CARD19: variants seen among roughly 807,000 people sequenced by gnomAD.
CARD19 encodes caspase recruitment domain-containing protein 19.
CARD19 carries 25 observed loss-of-function variants against 24.1 expected under a neutral mutation model. The ratio of observed to expected loss-of-function variants is 1.04; its 90% CI spans 0.76 to 1.45. The LOEUF (loss-of-function observed/expected upper bound fraction) is 1.45, where lower values mean the gene tolerates loss of function less well. Among genes scored for constraint, CARD19 ranks in the 40% most tolerant of loss-of-function variants. The pLI, the probability that CARD19 is intolerant of heterozygous loss-of-function variation, is 0.00. For synonymous variants in CARD19, 103 were observed against 104.9 expected, an observed-to-expected ratio of 0.98 and a Z score of 0.11; for missense variants, 241 against 247.4, an observed-to-expected ratio of 0.97 and a Z score of 0.17.
intron 1 of CARD19, among the ~76,000 whole-genome samples, chr9:93,099,219 C>T (rs779410583): frequency 3.3e-5 from 5 of 152,210 alleles, no homozygotes; most frequent in Admixed American, 1.3e-4. Context: ...CCACCGCGTC[C>T]GGCCTGCAGA....
intron 3 of CARD19, 44 bp from the exon 4 acceptor site, chr9:93,111,835 G>A (rs760374881): frequency 1.9e-5 from 31 of 1,598,188 alleles, no homozygotes; most frequent in South Asian, 1.2e-4. Flanking sequence ...CTTGCCCTCC[G>A]GCCCTGCCCG....
intron 1 of CARD19, among the ~76,000 whole-genome samples, chr9:93,107,374 A>G (rs1425807304): frequency 6.6e-6 from 1 of 152,242 alleles, no homozygotes; most frequent in African/African-American, 2.4e-5. Context: ...CAGGTGGCCC[A>G]TGAAAAGTAG....
intron 1 of CARD19, among the ~76,000 whole-genome samples, chr9:93,105,944 T>C (rs1827236728): frequency 6.6e-6 from 1 of 152,230 alleles, no homozygotes; most frequent in Non-Finnish European, 1.5e-5. Flanking sequence ...AGATATCTAT[T>C]TCTCCCTTCA....
chr9:93,112,165 AC>A, intron 4 of CARD19, 52 bp from the exon 5 acceptor site: 1 of 1,510,648 alleles, frequency 6.6e-7, no homozygotes, highest in Non-Finnish European at 8.9e-7. Context: ...AGGCCTCAGG[AC>A]CCCACCCCTC....
rs1351513881 is a variant in CARD19 at position 93,096,421 on chromosome 9, G to C, written c.7+69G>C. ...GATGGGTGGCCCGGCCCGGGGGTCC[G>C]GCTGCCTTGCGAGTCGCCTGCAGGC... On this transcript the variant is annotated intron_variant, in intron 1 of 5. Coordinates refer to ENST00000375464, the MANE Select transcript of CARD19 (RefSeq NM_032310.5). This position sits in a 1 kb window ranked among gnomAD's most constrained non-coding sequence, Gnocchi z 5.4. 3 of 1,213,402 alleles carry C rather than the reference G, an allele frequency of 2.5e-6. No homozygotes were observed. The African/African-American group carries it at 4.7e-5, about 19-fold the overall frequency. 75.2% of individuals were successfully genotyped at this position (1,213,402 alleles called of 1,614,324 possible). A position where few individuals can be genotyped will look rare whatever the true frequency, so the allele number is the denominator to read the frequency against.
chr9:93,096,789 C>T lies in CARD19; in HGVS notation c.7+437C>T, dbSNP rs961809699. On this transcript the variant is annotated intron_variant, in intron 1 of 5. Coordinates refer to ENST00000375464, the MANE Select transcript of CARD19 (RefSeq NM_032310.5). The surrounding 1 kb of genome is among the most constrained non-coding windows in gnomAD (Gnocchi z 5.4). ...CCTGCTGTGATTCTGGCCACGGAAA[C>T]AACGCTCCATCCTTACAACCACCCC... Among the ~76,000 whole-genome samples, 2 of 152,208 alleles carry T rather than the reference C, an allele frequency of 1.3e-5. No homozygotes were observed. Among genetic ancestry groups the T allele is most frequent in the African/African-American group, 4.8e-5 (2 of 41,448 alleles).
rs899226165 is a variant in CARD19 at position 93,112,265 on chromosome 9, C to T, written c.412C>T (p.Leu138=). 1.3e-6 allele frequency: 2 copies of T among 1,544,714 alleles called. No homozygotes were observed. Among genetic ancestry groups the T allele is most frequent in the African/African-American group, 1.4e-5 (1 of 73,024 alleles). ...AGLGLAVGLA[L]LLYCYPPDPK... The stretch of plus-strand genomic sequence containing the variant: ...CCTGGGCCTTGCTGTGGGACTGGCC[C>T]TGCTCCTGTACTGCTATCCGCCAGG... The change falls in exon 5 of 6, where the codon CTG becomes TTG. Residue 138 remains leucine, a synonymous_variant. Transcript: ENST00000375464.
At chr9:93,106,613 T>G (rs1827273046) in intron 1 of CARD19, among the ~76,000 whole-genome samples, 1 of 152,054 alleles carries the variant, frequency 6.6e-6, no homozygotes, top group Admixed American at 6.6e-5. Flanking sequence ...TATTTGCATT[T>G]GAAGTAATTG....
chr9:93,112,097 T>C, intron 4 of CARD19, 121 bp from the exon 5 acceptor site: 2 of 1,338,072 alleles, frequency 1.5e-6, no homozygotes, highest in East Asian at 2.5e-5. Flanking sequence ...AGGTGCTCGT[T>C]TGGGGGCTCT....
At chr9:93,111,975 C>T (rs1477810227) in intron 4 of CARD19, 37 bp downstream of exon 4, 2 of 1,588,124 alleles carry the variant, frequency 1.3e-6, no homozygotes, top group Non-Finnish European at 1.7e-6. Context: ...CTCTCTCCCT[C>T]TCTCTCCCTC....
At position 93,112,227 on chromosome 9, in the gene CARD19, G is replaced by A. The variant is rs1471972582; in HGVS notation, c.374G>A (p.Ser125Asn). Residue 125 changes from serine (S) to asparagine (N), a missense_variant, in exon 5 of 6, where the codon AGC becomes AAC. Physicochemically the swap from Ser to Asn is conservative, Grantham distance 46. Transcript: ENST00000375464. ...GCTGGTTTCTCCCCAGGACCCATGAGCTTCCTGGCTGGCCTGGGCCTTGCT... is the reference window on the plus strand; with the variant it reads ...GCTGGTTTCTCCCCAGGACCCATGAACTTCCTGGCTGGCCTGGGCCTTGCT... Reference protein sequence around the residue: ...SGELSNRGPMSFLAGLGLAVG... With the variant: ...SGELSNRGPMNFLAGLGLAVG... 6 of 1,545,112 alleles carry A rather than the reference G, an allele frequency of 3.9e-6. No homozygotes were observed. The African/African-American group carries it at 6.8e-5, about 18-fold the overall frequency.
Position 93,107,808 on chromosome 9 carries a change from G to A in CARD19, c.142G>A (p.Ala48Thr). The A allele has an allele frequency of 1.2e-6, 2 of 1,614,250 alleles. No individual in the cohort carries two copies. Among genetic ancestry groups the A allele is most frequent in the Non-Finnish European group, 1.7e-6 (2 of 1,180,052 alleles). The part of the protein sequence containing the change: ...YYPQILTNKE[A>T]EKFRNPKASL... ...CCCACAGATCCTTACCAACAAGGAGGCGGAAAAGGTGCTGAGGAGGTGAGG... is the reference window on the plus strand; with the variant it reads ...CCCACAGATCCTTACCAACAAGGAGACGGAAAAGGTGCTGAGGAGGTGAGG... Residue 48 changes from alanine to threonine, a missense_variant, in exon 2 of 6, where the codon GCG becomes ACG. Ala to Thr is a moderately conservative substitution (Grantham distance 58). Transcript: ENST00000375464.
At chr9:93,110,786 G>T in intron 3 of CARD19, 65 bp downstream of exon 3, 1 of 1,554,608 alleles carries the variant, frequency 6.4e-7, no homozygotes. Flanking sequence ...CCAGCCTGCC[G>T]TTGATGGCAT....
chr9:93,107,492 G>A (rs926255969), intron 1 of CARD19, among the ~76,000 whole-genome samples, 182 bp from the exon 2 acceptor site: 5 of 152,272 alleles, frequency 3.3e-5, no homozygotes, highest in Non-Finnish European at 7.3e-5. Flanking sequence ...CAGGCCAGGG[G>A]CAGCTCTCAG....
At chr9:93,110,766 G>A in intron 3 of CARD19, 45 bp downstream of exon 3, 1 of 1,580,680 alleles carries the variant, frequency 6.3e-7, no homozygotes, top group East Asian at 2.3e-5. Context: ...GCTGGCCCGG[G>A]GAGGGCACCC....
intron 1 of CARD19, among the ~76,000 whole-genome samples, chr9:93,104,811 T>G (rs1419762456): frequency 1.3e-5 from 2 of 152,236 alleles, no homozygotes; most frequent in Admixed American, 6.5e-5. Flanking sequence ...CTACTTTTAT[T>G]CCTGATACTA....
At position 93,096,558 on chromosome 9, in the gene CARD19, G is replaced by A. The variant is rs1826867692; in HGVS notation, c.7+206G>A. On this transcript the variant is annotated intron_variant, in intron 1 of 5. Transcript: ENST00000375464. The surrounding 1 kb of genome is among the most constrained non-coding windows in gnomAD (Gnocchi z 5.4). Reference sequence around the variant, plus strand: ...CGGGGCTTCTACCCGGCGGGGCCGTGCCAGCCGAGGCGGTGCCGGGCATGA... The same window carrying A: ...CGGGGCTTCTACCCGGCGGGGCCGTACCAGCCGAGGCGGTGCCGGGCATGA... Among the ~76,000 whole-genome samples, 1 of 152,182 alleles carries A rather than the reference G, an allele frequency of 6.6e-6. No homozygotes were observed. The highest frequency in any genetic ancestry group is 1.5e-5 in the Non-Finnish European group (1 of 68,026).
chr9:93,096,474 C>A lies in CARD19; in HGVS notation c.7+122C>A. On this transcript the variant is annotated intron_variant, in intron 1 of 5. Transcript: ENST00000375464. This position sits in a 1 kb window ranked among gnomAD's most constrained non-coding sequence, Gnocchi z 5.4. ...CGCCTGGGCAGCGGGGGCCGAGTGA[C>A]CTTGGCCCGTCAGCTGTCGGTGGTG... The A allele has an allele frequency of 1.1e-6, 1 of 932,920 alleles. No homozygotes were observed. The highest frequency in any genetic ancestry group is 1.4e-6 in the Non-Finnish European group (1 of 719,206). 57.8% of individuals were successfully genotyped at this position (932,920 alleles called of 1,614,324 possible). A position where few individuals can be genotyped will look rare whatever the true frequency, so the allele number is the denominator to read the frequency against.
At chr9:93,098,392 A>G (rs1364527202) in intron 1 of CARD19, among the ~76,000 whole-genome samples, 2 of 152,322 alleles carry the variant, frequency 1.3e-5, no homozygotes, top group African/African-American at 4.8e-5. Flanking sequence ...GCCAGCTCCC[A>G]CGGGGCCTTG....
Sources: allele counts gnomAD v4.1 joint callset (sites outside exome capture counted in the v4.1 genomes callset), GRCh38; gene constraint gnomAD v4.1.1; non-coding constraint Gnocchi (gnomAD v3.1); transcripts MANE v1.5; gene names NCBI Gene and HGNC (gene_info 2026-07-23, HGNC 2026-07-21).